The following SLF1 variants were observed in gnomAD, a reference collection of about 807,000 sequenced individuals.
The protein encoded by SLF1 is SMC5-SMC6 complex localization factor protein 1.
A neutral mutation model predicts 123.0 loss-of-function variants in SLF1; 105 were observed. The observed-to-expected ratio is 0.85, with a 90% CI of 0.73 to 1.00. SLF1 has a LOEUF of 1.00. Among genes scored for constraint, SLF1 ranks in the 50% least tolerant of loss-of-function variants. The pLI, the probability that SLF1 is intolerant of heterozygous loss-of-function variation, is 0.00. For synonymous variants in SLF1, 434 were observed against 406.6 expected (o/e 1.07, Z -0.81); for missense variants, 1,239 against 1,223.0 (o/e 1.01, Z -0.20).
At chr5:94,639,582 G>C (rs1746215633) in intron 4 of SLF1, among the ~76,000 whole-genome samples, 1 of 152,074 alleles carries the variant, frequency 6.6e-6, no homozygotes, top group Non-Finnish European at 1.5e-5. Flanking sequence ...TTGGAGTGCT[G>C]ACCCCCTGTG....
At chr5:94,658,636 C>T (rs551692263) in intron 9 of SLF1, among the ~76,000 whole-genome samples, 2 of 152,134 alleles carry the variant, frequency 1.3e-5, no homozygotes, top group Non-Finnish European at 2.9e-5. Flanking sequence ...CTGTAATGTG[C>T]CTTGGAGACC....
intron 12 of SLF1, among the ~76,000 whole-genome samples, chr5:94,667,680 A>T (rs923973995): frequency 5.9e-5 from 9 of 152,146 alleles, no homozygotes; most frequent in African/African-American, 2.2e-4. Flanking sequence ...GAATGTGTCC[A>T]ATAGTTATTT....
chr5:94,671,075 TCTC>T (rs1370506555), intron 14 of SLF1, 67 bp downstream of exon 14: 2 of 1,122,910 alleles, frequency 1.8e-6, no homozygotes, highest in East Asian at 2.6e-5. Context: ...TACCTTTTCC[TCTC>T]CTCTTTATTC....
In SLF1 at chr5:94,665,841, T is replaced by A. The variant is rs1387395912; in HGVS notation, c.1369-20T>A. On this transcript the variant is annotated intron_variant, in intron 11 of 20. Coordinates refer to ENST00000265140, the MANE Select transcript of SLF1 (RefSeq NM_032290.4). Reference sequence around the variant, plus strand: ...TTTTAGCTATAGTGTTTTATTTGTTTGTTTATTTTTAAATAATAGGATAAC... The same window carrying A: ...TTTTAGCTATAGTGTTTTATTTGTTAGTTTATTTTTAAATAATAGGATAAC... 3 of 1,519,490 alleles carry A rather than the reference T, an allele frequency of 2.0e-6. No individual in the cohort carries two copies. The highest frequency in any genetic ancestry group is 2.8e-5 in the African/African-American group (2 of 72,228). The allele number at this position is 1,519,490 out of a possible 1,614,324, so 94.1% of individuals were successfully genotyped here. A position where few individuals can be genotyped will look rare whatever the true frequency, so the allele number is the denominator to read the frequency against.
chr5:94,682,667 A>T lies in SLF1; in HGVS notation c.1975+3712A>T, dbSNP rs1001154666. On this transcript the variant is annotated intron_variant, in intron 15 of 20. Transcript: ENST00000265140. The stretch of plus-strand genomic sequence containing the variant: ...ACAGATATTTTAGAAGATAAATAAA[A>T]TTTTTTCCATCAGATCTCATGTTCA... 3.2e-4 allele frequency among the ~76,000 whole-genome samples: 49 copies of T among 152,140 alleles called. 1 individual carries two copies. The highest frequency in any genetic ancestry group is 3.2e-3 in the Admixed American group (49 of 15,276).
intron 9 of SLF1, among the ~76,000 whole-genome samples, chr5:94,659,569 T>G (rs1748826663): frequency 1.3e-5 from 2 of 152,174 alleles, no homozygotes; most frequent in South Asian, 2.1e-4. Context: ...TGGTGTAGTC[T>G]CCATATGATT....
rs189956413 is a variant in SLF1, at chr5:94,635,032, T to G, written c.431+4289T>G. Among the ~76,000 whole-genome samples, 18 of 152,270 alleles carry G rather than the reference T, an allele frequency of 1.2e-4. 1 individual carries two copies. In the East Asian group the frequency reaches 3.3e-3, roughly 28 times the overall value. On this transcript the variant is annotated intron_variant, in intron 4 of 20. Transcript: ENST00000265140. Reference sequence around the variant, plus strand: ...ATGTTTCCTTTGCTGTGCAGAAGCTTTTTAGTTTTATGTAACCTCACTTTC... The same window carrying G: ...ATGTTTCCTTTGCTGTGCAGAAGCTGTTTAGTTTTATGTAACCTCACTTTC...
chr5:94,649,207 T>C (rs552578674), intron 5 of SLF1, among the ~76,000 whole-genome samples: 1 of 152,318 alleles, frequency 6.6e-6, no homozygotes, highest in Non-Finnish European at 1.5e-5. Context: ...GACTTGTTAG[T>C]AGATGAACAA....
At chr5:94,628,375 G>A (rs1284250491) in intron 1 of SLF1, among the ~76,000 whole-genome samples, 14 of 150,820 alleles carry the variant, frequency 9.3e-5, no homozygotes, top group Admixed American at 7.9e-4. Context: ...CTGACCTCGT[G>A]ATCCGCCGGC....
chr5:94,661,481 A>G (rs1375509258), intron 9 of SLF1, among the ~76,000 whole-genome samples: 1 of 151,622 alleles, frequency 6.6e-6, no homozygotes, highest in African/African-American at 2.4e-5. Context: ...GCTGAGTGCC[A>G]AGCACTTCTA....
rs148255529 is a variant in SLF1, at chr5:94,642,530, T to G, written c.432-743T>G. Among the ~76,000 whole-genome samples the G allele has an allele frequency of 1.8e-3, 275 of 152,330 alleles. 1 individual carries two copies. The highest frequency in any genetic ancestry group is 6.3e-3 in the African/African-American group (264 of 41,578). The stretch of plus-strand genomic sequence containing the variant: ...CTCTTCATAAAAGAGCTTATCCCTC[T>G]TCAGAAATCACCTTACTTGGTTGAC... On this transcript the variant is annotated intron_variant, in intron 4 of 20. Coordinates refer to ENST00000265140, the MANE Select transcript of SLF1 (RefSeq NM_032290.4).
Position 94,694,738 on chromosome 5 carries a change from G to A in SLF1, c.2696-93G>A. ...AATACAAAATATGATTGCAAAGAAA[G>A]CACTGGATGCTTTGGGAAAAAGGAG... On this transcript the variant is annotated intron_variant, in intron 20 of 20. Transcript: ENST00000265140. 5 of 1,428,210 alleles carry A rather than the reference G, an allele frequency of 3.5e-6. No homozygotes were observed. In the South Asian group the frequency reaches 5.9e-5, roughly 17 times the overall value. 88.5% of individuals were successfully genotyped at this position (1,428,210 alleles called of 1,614,324 possible).
chr5:94,637,361 T>C (rs1191671017), intron 4 of SLF1, among the ~76,000 whole-genome samples: 1 of 152,166 alleles, frequency 6.6e-6, no homozygotes, highest in Non-Finnish European at 1.5e-5. Context: ...GGGATTGTGC[T>C]GGCTGGGCTC....
intron 4 of SLF1, among the ~76,000 whole-genome samples, chr5:94,640,256 A>G (rs899700304): frequency 4.6e-5 from 7 of 152,176 alleles, no homozygotes; most frequent in Non-Finnish European, 1.0e-4. Flanking sequence ...TTTACTGCAT[A>G]TAGAATTATG....
At chr5:94,642,239 C>T (rs1746530853) in intron 4 of SLF1, among the ~76,000 whole-genome samples, 1 of 152,142 alleles carries the variant, frequency 6.6e-6, no homozygotes, top group African/African-American at 2.4e-5. Context: ...TCACCACTAG[C>T]CCACTTATGC....
chr5:94,618,558 C>A (rs1302806154), upstream of SLF1: 1 of 153,720 alleles, frequency 6.5e-6, no homozygotes, highest in African/African-American at 2.4e-5. Context: ...CAGACTCAAG[C>A]TCTGCACCAG....
chr5:94,665,411 C>A (rs1307513606), intron 11 of SLF1, among the ~76,000 whole-genome samples: 3 of 152,082 alleles, frequency 2.0e-5, no homozygotes, highest in African/African-American at 7.2e-5. Flanking sequence ...CATGATGCTT[C>A]CATCTGCTCT....
chr5:94,643,495 C>A, intron 5 of SLF1, 60 bp downstream of exon 5: 1 of 1,144,790 alleles, frequency 8.7e-7, no homozygotes, highest in Non-Finnish European at 1.2e-6. Flanking sequence ...TATAAAATAC[C>A]AACATAGTAA....
intron 1 of SLF1, among the ~76,000 whole-genome samples, chr5:94,628,413 A>G (rs1744835333): frequency 6.6e-6 from 1 of 152,260 alleles, no homozygotes; most frequent in Non-Finnish European, 1.5e-5. Context: ...CTGGGATTAC[A>G]GGCGTGAGCC....
Sources: allele counts gnomAD v4.1 joint callset (sites outside exome capture counted in the v4.1 genomes callset), GRCh38; gene constraint gnomAD v4.1.1; transcripts MANE v1.5; gene names NCBI Gene and HGNC (gene_info 2026-07-23, HGNC 2026-07-21).